The following ITGA2 variants were observed in gnomAD, a reference collection of about 807,000 sequenced individuals.
ITGA2 encodes the protein integrin alpha-2.
ITGA2 carries 101 observed loss-of-function variants against 146.3 expected under a neutral mutation model. The observed-to-expected ratio is 0.69, with a 90% CI of 0.59 to 0.81. The LOEUF (loss-of-function observed/expected upper bound fraction) is 0.81, where lower values mean the gene tolerates loss of function less well. Among genes scored for constraint, ITGA2 ranks in the 40% least tolerant of loss-of-function variants. ITGA2 has a pLI of 0.00. For missense variants in ITGA2, 1,281 were observed against 1,402.7 expected (o/e 0.91, Z 1.39); for synonymous variants, 477 against 487.1 (o/e 0.98, Z 0.27).
intron 2 of ITGA2, 140 bp from the exon 3 acceptor site, chr5:53,041,972 G>A (rs971475768): frequency 1.5e-6 from 1 of 661,506 alleles, no homozygotes; most frequent in Non-Finnish European, 2.8e-6. Flanking sequence ...AAGCAGAAAG[G>A]CAGCAGGTCA....
intron 1 of ITGA2, among the ~76,000 whole-genome samples, chr5:52,996,429 G>C (rs1346121646): frequency 5.3e-5 from 8 of 152,140 alleles, no homozygotes; most frequent in Non-Finnish European, 1.0e-4. Flanking sequence ...TGGCAGAAAG[G>C]AGCCCCTGCT....
chr5:52,994,377 C>A (rs921460442), intron 1 of ITGA2, among the ~76,000 whole-genome samples: 4 of 152,114 alleles, frequency 2.6e-5, no homozygotes, highest in African/African-American at 7.2e-5. Flanking sequence ...TTCTGCATAG[C>A]TAAAAAATTG....
intron 1 of ITGA2, among the ~76,000 whole-genome samples, chr5:52,996,657 CTAATGCAG>C (rs1741272706): frequency 6.6e-6 from 1 of 152,322 alleles, no homozygotes; most frequent in South Asian, 2.1e-4. Context: ...TCTTTTCACA[CTAATGCAG>C]TTATGATTAA....
At position 53,059,942 on chromosome 5, in the gene ITGA2, T is replaced by C; in HGVS notation, c.1242T>C (p.His414=). ...GGACCATTGTCCAGAAGACATCTCA[T>C]GGCCATTTGATCTTTCCTAAACAAG... The part of the protein sequence containing the change: ...WSGTIVQKTS[H]GHLIFPKQAF... The change falls in exon 11 of 30, where the codon CAT becomes CAC. Residue 414 remains histidine (H), a synonymous_variant. Transcript: ENST00000296585. 6.2e-7 allele frequency: 1 copy of C among 1,612,370 alleles called. No homozygotes were observed. Among genetic ancestry groups the C allele is most frequent in the Non-Finnish European group, 8.5e-7 (1 of 1,178,964 alleles).
intron 15 of ITGA2, 47 bp downstream of exon 15, chr5:53,066,024 A>G: frequency 6.4e-7 from 1 of 1,563,496 alleles, no homozygotes; most frequent in East Asian, 2.3e-5. Context: ...ATTACCTGCT[A>G]AGAAAGCAGA....
rs1400859209 is a variant in ITGA2, at chr5:53,072,711, A to G, written c.2429+16A>G. 6.3e-7 allele frequency: 1 copy of G among 1,583,224 alleles called. No homozygotes were observed. Among genetic ancestry groups the G allele is most frequent in the Admixed American group, 1.7e-5 (1 of 59,402 alleles). ...CAGCTGCTCAGTAAGTTTTACTTTA[A>G]AGCTTGTTGTAAAATGTAGAAATAA... On this transcript the variant is annotated intron_variant, in intron 19 of 29. Transcript: ENST00000296585.
Position 53,015,786 on chromosome 5 carries a change from C to T in ITGA2, c.65-10962C>T, listed in dbSNP as rs117704333. On this transcript the variant is annotated intron_variant, in intron 1 of 29. Coordinates refer to ENST00000296585, the MANE Select transcript of ITGA2 (RefSeq NM_002203.4). ...TGGGTGCCCCTATTTTGGGTGCATA[C>T]GTATTTAGGGTAGTTAGGTCTTCTG... 1.2e-3 allele frequency among the ~76,000 whole-genome samples: 178 copies of T among 152,034 alleles called. 5 individuals carry two copies. The East Asian group carries it at 0.027, about 23-fold the overall frequency.
chr5:53,019,691 A>AT (rs1404811339), intron 1 of ITGA2, among the ~76,000 whole-genome samples: 3 of 151,928 alleles, frequency 2.0e-5, no homozygotes, highest in Non-Finnish European at 4.4e-5. Context: ...ATGCCCAGCT[A>AT]TTTTTTGTAT....
chr5:53,059,006 C>T (rs2111955628), intron 10 of ITGA2, among the ~76,000 whole-genome samples: 1 of 152,028 alleles, frequency 6.6e-6, no homozygotes, highest in South Asian at 2.1e-4. Context: ...GTCTCTTATC[C>T]TCAAAGTAGA....
At chr5:53,000,221 G>A (rs1295193079) in intron 1 of ITGA2, among the ~76,000 whole-genome samples, 2 of 152,090 alleles carry the variant, frequency 1.3e-5, no homozygotes, top group Non-Finnish European at 2.9e-5. Context: ...TTATCACACA[G>A]TTCTTCATCA....
intron 25 of ITGA2, among the ~76,000 whole-genome samples, chr5:53,081,327 TCA>T (rs1724292768): frequency 6.6e-6 from 1 of 152,180 alleles, no homozygotes; most frequent in Non-Finnish European, 1.5e-5. Flanking sequence ...CCTGAATTAT[TCA>T]CAGTGTTTAG....
chr5:53,049,669 A>AC (rs1208261972), intron 6 of ITGA2, among the ~76,000 whole-genome samples: 2 of 151,946 alleles, frequency 1.3e-5, no homozygotes, highest in Non-Finnish European at 2.9e-5. Context: ...CAATAGTATT[A>AC]TTTTAAAGTT....
At chr5:53,008,868 C>T (rs1482897322) in intron 1 of ITGA2, among the ~76,000 whole-genome samples, 2 of 152,122 alleles carry the variant, frequency 1.3e-5, no homozygotes, top group Non-Finnish European at 2.9e-5. Flanking sequence ...TAGCCTGATA[C>T]TGTCTCATGG....
In ITGA2 at chr5:53,055,797, A is replaced by G; in HGVS notation, c.930+109A>G. The G allele has an allele frequency of 2.2e-6, 3 of 1,378,018 alleles. No individual in the cohort carries two copies. In the East Asian group the frequency reaches 6.9e-5, roughly 32 times the overall value. 85.4% of individuals were successfully genotyped at this position (1,378,018 alleles called of 1,614,324 possible). A position where few individuals can be genotyped will look rare whatever the true frequency, so the allele number is the denominator to read the frequency against. The stretch of plus-strand genomic sequence containing the variant: ...CATTGGCTGTTCATAGTTGAATATA[A>G]AAGAAAGTTCTTACTCTATCTCTGC... On this transcript the variant is annotated intron_variant, in intron 8 of 29. Transcript: ENST00000296585.
Position 53,094,635 on chromosome 5 carries a change from T to TCAA in ITGA2, c.*4039_*4041dup, listed in dbSNP as rs921496226. 1 of 149,594 alleles carries TCAA rather than the reference T, an allele frequency of 6.7e-6. No homozygotes were observed. The highest frequency in any genetic ancestry group is 1.5e-5 in the Non-Finnish European group (1 of 67,412). 9.3% of individuals were successfully genotyped at this position (149,594 alleles called of 1,614,324 possible). A position where few individuals can be genotyped will look rare whatever the true frequency, so the allele number is the denominator to read the frequency against. On this transcript the variant is annotated 3_prime_UTR_variant, in exon 30 of 30. Coordinates refer to ENST00000296585, the MANE Select transcript of ITGA2 (RefSeq NM_002203.4). Reference sequence around the variant, plus strand: ...ATGAGAAACAAAAATTAAATTGTAGTCAACAGTTAGTAGTTTTTCTCATAT... The same window carrying TCAA: ...ATGAGAAACAAAAATTAAATTGTAGTCAACAACAGTTAGTAGTTTTTCTCATAT...
At chr5:53,071,344 C>G (rs1285895106) in intron 17 of ITGA2, among the ~76,000 whole-genome samples, 1 of 151,888 alleles carries the variant, frequency 6.6e-6, no homozygotes, top group Non-Finnish European at 1.5e-5. Flanking sequence ...GAAATGGAGA[C>G]AGCCAAGCTG....
intron 1 of ITGA2, among the ~76,000 whole-genome samples, chr5:53,020,744 C>T (rs1039731162): frequency 5.3e-5 from 8 of 151,258 alleles, no homozygotes; most frequent in Non-Finnish European, 7.4e-5. Context: ...TGCAGTGGCT[C>T]GATCTTGGCT....
At chr5:53,038,114 G>A (rs190870142) in intron 2 of ITGA2, among the ~76,000 whole-genome samples, 1 of 151,732 alleles carries the variant, frequency 6.6e-6, no homozygotes, top group Admixed American at 6.6e-5. Context: ...CAGGGAGAGT[G>A]TCCAGGGAGT....
rs995926188 is a variant in ITGA2, at chr5:53,039,122, T to C, written c.186-2990T>C. Reference sequence around the variant, plus strand: ...ATAATAATAATAATTTCTGGCTTCTTCTGCAGATGAAATTAGATAATCTTT... The same window carrying C: ...ATAATAATAATAATTTCTGGCTTCTCCTGCAGATGAAATTAGATAATCTTT... On this transcript the variant is annotated intron_variant, in intron 2 of 29. Transcript: ENST00000296585. Among the ~76,000 whole-genome samples the C allele has an allele frequency of 2.0e-5, 3 of 152,174 alleles. 1 individual carries two copies. The highest frequency in any genetic ancestry group is 2.0e-4 in the Admixed American group (3 of 15,274).
Sources: gnomAD v4.1 joint callset for allele counts (sites outside exome capture counted in the v4.1 genomes callset) on GRCh38, gnomAD v4.1.1 for gene constraint, MANE v1.5 for transcripts, NCBI Gene and HGNC (gene_info 2026-07-23, HGNC 2026-07-21) for gene names.